Variants in GRIA1 observed in about 807,000 individuals in gnomAD.
The protein encoded by GRIA1 is glutamate receptor 1.
Under a neutral mutation model 99.2 loss-of-function variants are expected in GRIA1, and 31 were observed. The ratio of observed to expected loss-of-function variants is 0.31; its 90% CI spans 0.23 to 0.42. GRIA1 has a LOEUF of 0.42. Among genes scored for constraint, GRIA1 ranks in the 10% least tolerant of loss-of-function variants. GRIA1 has a pLI of 1.00. For missense variants in GRIA1, 782 were observed against 1,157.5 expected (o/e 0.68, Z 4.71); for synonymous variants, 438 against 432.4 (o/e 1.01, Z -0.16).
At chr5:153,615,184 T>G (rs1031317599) in intron 2 of GRIA1, among the ~76,000 whole-genome samples, 2 of 152,152 alleles carry the variant, frequency 1.3e-5, no homozygotes, top group African/African-American at 2.4e-5. Flanking sequence ...ATTTAGTAAT[T>G]AATGGGAAAT....
intron 2 of GRIA1, among the ~76,000 whole-genome samples, chr5:153,621,482 A>G (rs1767046117): frequency 6.6e-6 from 1 of 152,146 alleles, no homozygotes; most frequent in Non-Finnish European, 1.5e-5. Flanking sequence ...AGTTTAGTAC[A>G]TGAAAGCAGC....
At chr5:153,743,766 CA>C (rs1471580974) in intron 11 of GRIA1, among the ~76,000 whole-genome samples, 2 of 152,198 alleles carry the variant, frequency 1.3e-5, no homozygotes, top group Non-Finnish European at 2.9e-5. Flanking sequence ...TGGGCAAAAG[CA>C]AAATCCCTTT....
chr5:153,644,970 C>A (rs959777612), intron 2 of GRIA1, among the ~76,000 whole-genome samples: 3 of 151,844 alleles, frequency 2.0e-5, no homozygotes. Flanking sequence ...GTGTGATGGT[C>A]AGATGTTGAG....
intron 2 of GRIA1, among the ~76,000 whole-genome samples, chr5:153,530,026 A>G (rs141845894): frequency 6.6e-6 from 1 of 152,164 alleles, no homozygotes; most frequent in Non-Finnish European, 1.5e-5. Context: ...GCTGCTAATA[A>G]TAATAATACC....
At chr5:153,668,089 C>A (rs973387173) in intron 5 of GRIA1, among the ~76,000 whole-genome samples, 2 of 152,158 alleles carry the variant, frequency 1.3e-5, no homozygotes, top group Admixed American at 1.3e-4. Flanking sequence ...AACCTTAAGC[C>A]ACTATTCCCC....
chr5:153,592,071 A>G (rs1764022939), intron 2 of GRIA1, among the ~76,000 whole-genome samples: 1 of 152,236 alleles, frequency 6.6e-6, no homozygotes, highest in Non-Finnish European at 1.5e-5. Flanking sequence ...AAAGGCAGTG[A>G]TATTATAAAA....
chr5:153,794,452 G>A (rs1765511384), intron 13 of GRIA1, among the ~76,000 whole-genome samples, 169 bp from the exon 14 acceptor site: 1 of 152,056 alleles, frequency 6.6e-6, no homozygotes, highest in Non-Finnish European at 1.5e-5. Context: ...ACTATGCCTT[G>A]GCTCCATCCC....
chr5:153,776,500 C>T (rs1002755307), intron 13 of GRIA1, among the ~76,000 whole-genome samples: 1 of 152,182 alleles, frequency 6.6e-6, no homozygotes, highest in Non-Finnish European at 1.5e-5. Context: ...AGGACACAAG[C>T]TTTCCGGCAC....
chr5:153,723,624 C>CG (rs1019303566), intron 11 of GRIA1, among the ~76,000 whole-genome samples: 3 of 152,188 alleles, frequency 2.0e-5, no homozygotes, highest in African/African-American at 7.2e-5. Flanking sequence ...CCTACCCCCA[C>CG]GGAGTCTCGC....
At chr5:153,666,824 CA>C (rs915895652) in intron 5 of GRIA1, among the ~76,000 whole-genome samples, 1 of 152,094 alleles carries the variant, frequency 6.6e-6, no homozygotes, top group African/African-American at 2.4e-5. Context: ...TTGTTTTAGC[CA>C]AAGTCTGCCT....
intron 13 of GRIA1, among the ~76,000 whole-genome samples, chr5:153,778,794 C>T (rs1006596868): frequency 6.6e-6 from 1 of 152,050 alleles, no homozygotes; most frequent in African/African-American, 2.4e-5. Context: ...TTTCTTTCTG[C>T]TCTATTTGAA....
intron 2 of GRIA1, among the ~76,000 whole-genome samples, chr5:153,564,234 C>G (rs562624238): frequency 6.6e-6 from 1 of 152,172 alleles, no homozygotes; most frequent in Non-Finnish European, 1.5e-5. Flanking sequence ...GGTAAATATT[C>G]AGTCATATGG....
chr5:153,778,460 T>C (rs965853320), intron 13 of GRIA1, among the ~76,000 whole-genome samples: 6 of 152,068 alleles, frequency 3.9e-5, no homozygotes, highest in Admixed American at 2.0e-4. Flanking sequence ...AGAAGTGATG[T>C]GCATTATCCT....
intron 11 of GRIA1, among the ~76,000 whole-genome samples, chr5:153,743,167 T>G (rs1217936305): frequency 6.6e-6 from 1 of 152,108 alleles, no homozygotes; most frequent in Non-Finnish European, 1.5e-5. Flanking sequence ...AAATGATAGA[T>G]TAGGAATTTA....
intron 2 of GRIA1, among the ~76,000 whole-genome samples, chr5:153,522,634 G>A (rs1309127818): frequency 6.6e-6 from 1 of 152,122 alleles, no homozygotes; most frequent in African/African-American, 2.4e-5. Context: ...CTGAAAGAGG[G>A]ACCATCCTAA....
intron 1 of GRIA1, chr5:153,492,087 T>A: frequency 5.9e-6 from 8 of 1,355,508 alleles, no homozygotes; most frequent in Non-Finnish European, 7.8e-6. Flanking sequence ...CTCTCTCCCC[T>A]GGTAGGGAGA....
chr5:153,527,543 G>A (rs1757716498), intron 2 of GRIA1, among the ~76,000 whole-genome samples: 1 of 152,110 alleles, frequency 6.6e-6, no homozygotes, highest in Admixed American at 6.6e-5. Context: ...AGAGGAGTGT[G>A]TAACCTAAGT....
chr5:153,754,720 G>A (rs925532258), intron 11 of GRIA1, among the ~76,000 whole-genome samples: 8 of 152,106 alleles, frequency 5.3e-5, no homozygotes, highest in African/African-American at 1.2e-4. Flanking sequence ...TTCTTCCCAC[G>A]GTCCAAAATC....
intron 7 of GRIA1, among the ~76,000 whole-genome samples, chr5:153,681,155 C>T (rs1379490752): frequency 1.3e-5 from 2 of 152,048 alleles, no homozygotes; most frequent in Non-Finnish European, 2.9e-5. Context: ...CAGTATGTCA[C>T]GTAGTAAGAG....
Sources: gnomAD v4.1 joint callset for allele counts (sites outside exome capture counted in the v4.1 genomes callset) on GRCh38, gnomAD v4.1.1 for gene constraint, MANE v1.5 for transcripts, NCBI Gene and HGNC (gene_info 2026-07-23, HGNC 2026-07-21) for gene names.